Variants in NTM observed in about 807,000 individuals in gnomAD.
NTM encodes IgLON family member 2.
NTM carries 13 observed loss-of-function variants against 42.1 expected under a neutral mutation model. That is an observed-to-expected ratio of 0.31 (90% CI 0.20 to 0.49). The LOEUF (loss-of-function observed/expected upper bound fraction) is 0.49, where lower values mean the gene tolerates loss of function less well. NTM is among the 20% of genes least tolerant of loss of function. The probability of loss-of-function intolerance (pLI) is 0.99; values close to 1 mark genes in which losing one functional copy is unlikely to be tolerated. For synonymous variants in NTM, 187 were observed against 179.2 expected (o/e 1.04, Z -0.35); for missense variants, 373 against 452.8 (o/e 0.82, Z 1.60).
At chr11:132,270,833 T>G (rs2093443284) in intron 4 of NTM, among the ~76,000 whole-genome samples, 1 of 152,150 alleles carries the variant, frequency 6.6e-6, no homozygotes, top group Admixed American at 6.6e-5. Context: ...TGTATGTGTG[T>G]ATTACAATTA....
At chr11:131,571,843 C>A in intron 1 of NTM, among the ~76,000 whole-genome samples, 1 of 152,136 alleles carries the variant, frequency 6.6e-6, no homozygotes, top group East Asian at 1.9e-4. Context: ...TGTGCCTCAG[C>A]ACAGAGACTC....
Position 131,697,747 on chromosome 11 carries a change from C to T in NTM, c.83-213817C>T, listed in dbSNP as rs376467617. Among the ~76,000 whole-genome samples, 7 of 152,262 alleles carry T rather than the reference C, an allele frequency of 4.6e-5. No individual in the cohort carries two copies. The East Asian group carries it at 1.3e-3, about 29-fold the overall frequency. On this transcript the variant is annotated intron_variant, in intron 1 of 8. Transcript: ENST00000683400. ...ATTCTTACGTATTTCCACATGAATT[C>T]CTGCATAGTCCCTCTTGCGTTATTT... is the stretch of plus-strand genomic sequence containing the variant.
chr11:132,051,772 G>A (rs867140311), intron 2 of NTM, among the ~76,000 whole-genome samples: 1 of 152,172 alleles, frequency 6.6e-6, no homozygotes, highest in Admixed American at 6.5e-5. Flanking sequence ...GTTCTGATCC[G>A]GAATGTGAGG....
intron 1 of NTM, among the ~76,000 whole-genome samples, chr11:131,709,802 G>A (rs924309413): frequency 2.6e-5 from 4 of 152,058 alleles, no homozygotes; most frequent in Admixed American, 1.3e-4. Flanking sequence ...AAGAGAGTTC[G>A]CCCAAGGTGT....
At chr11:131,687,461 C>A (rs1397467702) in intron 1 of NTM, among the ~76,000 whole-genome samples, 18 of 152,214 alleles carry the variant, frequency 1.2e-4, no homozygotes, top group Non-Finnish European at 2.9e-5. Context: ...CGGCAGAGCC[C>A]TCTGCTCCTC....
In NTM at chr11:131,523,587, A is replaced by G. The variant is rs918593171; in HGVS notation, c.82+152699A>G. ...GCAGATCACTTAAGGTCAGGAGTTC[A>G]GGGCCAGCCTGGCCAACATGGTGAA... On this transcript the variant is annotated intron_variant, in intron 1 of 8. Coordinates refer to ENST00000683400, the MANE Select transcript of NTM (RefSeq NM_001352005.2). Among the ~76,000 whole-genome samples, 44 of 152,006 alleles carry G rather than the reference A, an allele frequency of 2.9e-4. 1 individual carries two copies. The highest frequency in any genetic ancestry group is 1.3e-3 in the Admixed American group (20 of 15,232).
intron 3 of NTM, chr11:132,211,727 G>C (rs944199930): frequency 1.9e-5 from 5 of 266,946 alleles, no homozygotes; most frequent in Non-Finnish European, 3.6e-5. Flanking sequence ...GTTGGAGGTG[G>C]GTGGGGGTGA....
At chr11:131,570,803 C>T (rs2057374941) in intron 1 of NTM, among the ~76,000 whole-genome samples, 1 of 152,192 alleles carries the variant, frequency 6.6e-6, no homozygotes, top group Admixed American at 6.5e-5. Context: ...AGCCTGGCAA[C>T]AGAGGGAGAC....
At chr11:132,102,439 G>T (rs945877543) in intron 2 of NTM, among the ~76,000 whole-genome samples, 2 of 152,188 alleles carry the variant, frequency 1.3e-5, no homozygotes, top group Admixed American at 6.5e-5. Flanking sequence ...TGTCAAACTG[G>T]ATCTGTCTTG....
At chr11:131,402,371 C>T (rs1945339053) in intron 1 of NTM, among the ~76,000 whole-genome samples, 1 of 145,452 alleles carries the variant, frequency 6.9e-6, no homozygotes, top group Non-Finnish European at 1.5e-5. Context: ...TTGCTTATCT[C>T]CCCAAGAAAA....
chr11:131,817,987 T>C (rs182261267), intron 1 of NTM, among the ~76,000 whole-genome samples: 1 of 152,150 alleles, frequency 6.6e-6, no homozygotes, highest in Non-Finnish European at 1.5e-5. Flanking sequence ...AAACAGATTT[T>C]TCACCAGCAA....
rs145795851 is a variant in NTM, at chr11:131,940,451, A to G, written c.167+28803A>G. ...TTAAAGTTTACTGGAGGGTATCTGT[A>G]TTTACTTGGTTTTCCCCAGTGTTTT... On this transcript the variant is annotated intron_variant, in intron 2 of 8. Transcript: ENST00000683400. Among the ~76,000 whole-genome samples the G allele has an allele frequency of 2.6e-5, 4 of 152,278 alleles. No homozygotes were observed. In the East Asian group the frequency reaches 7.7e-4, roughly 29 times the overall value.
chr11:131,547,891 T>C (rs902685365), intron 1 of NTM, among the ~76,000 whole-genome samples: 1 of 152,134 alleles, frequency 6.6e-6, no homozygotes, highest in African/African-American at 2.4e-5. Flanking sequence ...TCAAACCTCA[T>C]AGCACAGTGC....
intron 2 of NTM, among the ~76,000 whole-genome samples, chr11:132,100,149 GT>G (rs1463198636): frequency 1.3e-5 from 2 of 152,212 alleles, no homozygotes; most frequent in African/African-American, 4.8e-5. Flanking sequence ...ATATTTGCAT[GT>G]TTTTAACATA....
At chr11:131,531,593 T>G (rs917338294) in intron 1 of NTM, among the ~76,000 whole-genome samples, 3 of 152,216 alleles carry the variant, frequency 2.0e-5, no homozygotes, top group African/African-American at 7.2e-5. Flanking sequence ...CTCTGAGCTG[T>G]TAAGACTGCC....
intron 1 of NTM, among the ~76,000 whole-genome samples, chr11:131,783,447 T>C (rs1286503692): frequency 6.6e-6 from 1 of 152,096 alleles, no homozygotes; most frequent in Non-Finnish European, 1.5e-5. Flanking sequence ...TCTCAGCATA[T>C]TTTTGGGGAG....
At chr11:131,530,671 A>G (rs2051136188) in intron 1 of NTM, among the ~76,000 whole-genome samples, 1 of 152,180 alleles carries the variant, frequency 6.6e-6, no homozygotes, top group Non-Finnish European at 1.5e-5. Context: ...CCTTTGATGC[A>G]GCCAAGAAAG....
chr11:131,414,340 G>A (rs1246266692), intron 1 of NTM, among the ~76,000 whole-genome samples: 1 of 152,148 alleles, frequency 6.6e-6, no homozygotes, highest in Admixed American at 6.5e-5. Flanking sequence ...CAGTCTGCCT[G>A]CTGCCTTTGC....
chr11:132,327,945 G>A (rs1327069877), intron 7 of NTM, among the ~76,000 whole-genome samples: 1 of 151,894 alleles, frequency 6.6e-6, no homozygotes, highest in African/African-American at 2.4e-5. Context: ...TTCAGTTGAA[G>A]TCTTGGTGTG....
Sources: gnomAD v4.1 joint callset for allele counts (sites outside exome capture counted in the v4.1 genomes callset) on GRCh38, gnomAD v4.1.1 for gene constraint, MANE v1.5 for transcripts, NCBI Gene and HGNC (gene_info 2026-07-23, HGNC 2026-07-21) for gene names.